Variants in CTNNA2 observed in about 807,000 individuals in gnomAD.
The protein encoded by CTNNA2 is catenin alpha-2.
Under a neutral mutation model 101.0 loss-of-function variants are expected in CTNNA2, and 42 were observed. The ratio of observed to expected loss-of-function variants is 0.42; its 90% CI spans 0.32 to 0.54. The LOEUF is 0.54. Ranked by LOEUF, CTNNA2 falls within the 20% of genes least tolerant of loss-of-function variation. The probability of loss-of-function intolerance (pLI) is 0.14; values close to 1 mark genes in which losing one functional copy is unlikely to be tolerated. For missense variants in CTNNA2, 871 were observed against 1,223.1 expected (o/e 0.71, Z 4.29); for synonymous variants, 450 against 456.4 (o/e 0.99, Z 0.18).
chr2:79,713,862 T>C (rs570466472), intron 2 of CTNNA2, among the ~76,000 whole-genome samples: 6 of 152,260 alleles, frequency 3.9e-5, no homozygotes, highest in Admixed American at 2.6e-4. Flanking sequence ...CAAGGTGAAA[T>C]GAAAAGCACC....
At chr2:80,006,274 GTCTA>G (rs1306469209) in intron 7 of CTNNA2, among the ~76,000 whole-genome samples, 11 of 150,224 alleles carry the variant, frequency 7.3e-5, no homozygotes, top group Non-Finnish European at 1.0e-4. Flanking sequence ...AGTGTATTAA[GTCTA>G]TCAGTCATAA....
intron 2 of CTNNA2, among the ~76,000 whole-genome samples, chr2:79,199,157 CAA>C (rs909546438): frequency 1.3e-5 from 2 of 152,178 alleles, no homozygotes; most frequent in Non-Finnish European, 2.9e-5. Flanking sequence ...GAACGGAATG[CAA>C]AGTTTTCCAC....
chr2:79,260,394 G>T (rs896838731), intron 2 of CTNNA2, among the ~76,000 whole-genome samples: 1 of 152,120 alleles, frequency 6.6e-6, no homozygotes, highest in Non-Finnish European at 1.5e-5. Flanking sequence ...GGCTCTGTTT[G>T]CTAGATATGT....
At chr2:80,347,532 G>A (rs1268912478) in intron 7 of CTNNA2, among the ~76,000 whole-genome samples, 6 of 152,174 alleles carry the variant, frequency 3.9e-5, no homozygotes, top group African/African-American at 1.4e-4. Context: ...GAAATGCACA[G>A]CGCTCCTTAG....
At chr2:79,213,574 G>T (rs976093844) in intron 2 of CTNNA2, among the ~76,000 whole-genome samples, 2 of 152,148 alleles carry the variant, frequency 1.3e-5, no homozygotes, top group Admixed American at 1.3e-4. Context: ...TGGCGATTAG[G>T]CCTGGTGGAA....
intron 12 of CTNNA2, among the ~76,000 whole-genome samples, chr2:80,560,093 A>G (rs975772752): frequency 6.6e-5 from 10 of 151,570 alleles, no homozygotes; most frequent in African/African-American, 2.4e-4. Context: ...TATTTTAAAA[A>G]GGGTTCTATG....
chr2:79,455,829 T>G (rs1184408294), intron 4 of CTNNA2, among the ~76,000 whole-genome samples: 1 of 152,208 alleles, frequency 6.6e-6, no homozygotes, highest in Non-Finnish European at 1.5e-5. Flanking sequence ...CTGTGACCTA[T>G]TTTCTCACTA....
chr2:79,564,508 C>A (rs1674986886), intron 1 of CTNNA2, among the ~76,000 whole-genome samples: 2 of 152,018 alleles, frequency 1.3e-5, no homozygotes, highest in South Asian at 4.1e-4. Context: ...ATTGAATTTT[C>A]TTTTTAAATG....
At chr2:79,256,974 CAAA>C (rs1674854320) in intron 2 of CTNNA2, among the ~76,000 whole-genome samples, 1 of 152,078 alleles carries the variant, frequency 6.6e-6, no homozygotes, top group Admixed American at 6.6e-5. Flanking sequence ...ACACAAACTA[CAAA>C]AAGATAAACG....
chr2:80,122,152 CT>C (rs1450689526), intron 7 of CTNNA2, among the ~76,000 whole-genome samples: 1 of 145,236 alleles, frequency 6.9e-6, no homozygotes, highest in East Asian at 2.4e-4. Context: ...TGGGTTGGAG[CT>C]TGGAATCTCT....
intron 5 of CTNNA2, among the ~76,000 whole-genome samples, chr2:79,870,641 A>G (rs937482565): frequency 6.6e-6 from 1 of 152,158 alleles, no homozygotes; most frequent in Admixed American, 6.5e-5. Flanking sequence ...AAGGAGATTT[A>G]ACTGACTCAC....
intron 7 of CTNNA2, among the ~76,000 whole-genome samples, chr2:79,927,125 G>A (rs1227657119): frequency 1.3e-5 from 2 of 152,090 alleles, no homozygotes; most frequent in African/African-American, 2.4e-5. Context: ...TTAGATTAAA[G>A]GACATCGAAT....
In CTNNA2 at chr2:79,982,234, ATATATATG is replaced by A. The variant is rs1249592874; in HGVS notation, c.1056+72441_1056+72448del. ...TATATATATATATATATATATATAT[ATATATATG>A]TATGTATATGTACACACACACATAA... On this transcript the variant is annotated intron_variant, in intron 7 of 18. Coordinates refer to ENST00000402739, the MANE Select transcript of CTNNA2 (RefSeq NM_001282597.3). Among the ~76,000 whole-genome samples the A allele has an allele frequency of 2.4e-3, 233 of 96,002 alleles. 7 individuals are homozygous for A. Among genetic ancestry groups the A allele is most frequent in the South Asian group, 0.018 (55 of 3,008 alleles). 63.0% of individuals were successfully genotyped at this position (96,002 alleles called of 152,430 possible).
intron 1 of CTNNA2, among the ~76,000 whole-genome samples, chr2:79,548,301 A>C (rs986943279): frequency 1.3e-5 from 2 of 152,032 alleles, no homozygotes; most frequent in East Asian, 3.9e-4. Flanking sequence ...TCTCCTAAGC[A>C]CTTTGTTTTG....
At chr2:80,021,786 G>A (rs546631055) in intron 7 of CTNNA2, among the ~76,000 whole-genome samples, 29 of 152,046 alleles carry the variant, frequency 1.9e-4, no homozygotes, top group African/African-American at 6.3e-4. Context: ...ATAGGCCACC[G>A]TGTTATATAA....
chr2:79,613,515 C>G (rs1476569936), intron 1 of CTNNA2, among the ~76,000 whole-genome samples: 1 of 152,044 alleles, frequency 6.6e-6, no homozygotes, highest in African/African-American at 2.4e-5. Context: ...CCTGTGTTTG[C>G]TTCTCTTTCA....
chr2:80,161,875 T>C (rs557856280), intron 7 of CTNNA2, among the ~76,000 whole-genome samples: 1 of 120,554 alleles, frequency 8.3e-6, no homozygotes, highest in South Asian at 2.7e-4. Flanking sequence ...AATGAAACAG[T>C]ATGTGTAGAT....
intron 1 of CTNNA2, among the ~76,000 whole-genome samples, chr2:79,643,334 C>T (rs1209151641): frequency 6.6e-6 from 1 of 152,064 alleles, no homozygotes; most frequent in Non-Finnish European, 1.5e-5. Flanking sequence ...TAACTACTCC[C>T]CCACTGGCAT....
At chr2:80,236,689 C>G (rs547918508) in intron 7 of CTNNA2, among the ~76,000 whole-genome samples, 4 of 152,288 alleles carry the variant, frequency 2.6e-5, no homozygotes, top group African/African-American at 9.6e-5. Context: ...TCTGTTTGCA[C>G]AAGTGAACTT....
Sources: allele counts gnomAD v4.1 joint callset (sites outside exome capture counted in the v4.1 genomes callset), GRCh38; gene constraint gnomAD v4.1.1; transcripts MANE v1.5; gene names NCBI Gene and HGNC (gene_info 2026-07-23, HGNC 2026-07-21).